CLCN6: variants seen among roughly 807,000 people sequenced by gnomAD.
CLCN6 encodes Cl-/H+ antiporter 6, also known as H(+)/Cl(-) exchange transporter 6.
Under a neutral mutation model 109.8 loss-of-function variants are expected in CLCN6, and 70 were observed. That is an observed-to-expected ratio of 0.64 (90% CI 0.53 to 0.78). The LOEUF is 0.78. Ranked by LOEUF, CLCN6 falls within the 30% of genes least tolerant of loss-of-function variation. The probability of loss-of-function intolerance (pLI) is 0.00; values close to 1 mark genes in which losing one functional copy is unlikely to be tolerated. For missense variants in CLCN6, 984 were observed against 1,142.3 expected, an observed-to-expected ratio of 0.86 and a Z score of 2.00; for synonymous variants, 444 against 447.8, an observed-to-expected ratio of 0.99 and a Z score of 0.11.
chr1:11,812,664 TTG>T (rs61487985), intron 2 of CLCN6, among the ~76,000 whole-genome samples: 9,387 of 126,798 alleles, frequency 0.074, 383 homozygotes, highest in South Asian at 0.12. Context: ...CAAAGTATGT[TTG>T]TGTGTGTGTG....
rs1465475340 is a variant in CLCN6, at chr1:11,806,354, G to A, written c.87+5G>A. The A allele has an allele frequency of 9.9e-6, 15 of 1,513,108 alleles. No homozygotes were observed. Among genetic ancestry groups the A allele is most frequent in the Non-Finnish European group, 1.3e-5 (15 of 1,142,662 alleles). 93.7% of individuals were successfully genotyped at this position (1,513,108 alleles called of 1,614,324 possible). ...ACCCGCACCCCCGAGGAGCTGGTAAGAAGCCGGCGGAGTCGGCCTGGGGAG... is the reference window on the plus strand; with the variant it reads ...ACCCGCACCCCCGAGGAGCTGGTAAAAAGCCGGCGGAGTCGGCCTGGGGAG... On this transcript the variant is annotated splice_donor_5th_base_variant and intron_variant, in intron 1 of 22. Coordinates refer to ENST00000346436, the MANE Select transcript of CLCN6 (RefSeq NM_001286.5).
Position 11,838,550 on chromosome 1 carries a change from A to C in CLCN6, c.2419A>C (p.Met807Leu). Residue 807 changes from methionine (M) to leucine (L), a missense_variant, in exon 22 of 23, where the codon ATG becomes CTG. By Grantham distance (15) the Met-to-Leu change is conservative. Coordinates refer to ENST00000346436, the MANE Select transcript of CLCN6 (RefSeq NM_001286.5). ...CTCTTTGCAGGATGTCACCCCATAC[A>C]TGAACCCTTCGCCTTTCACCGTCTC... ...PRMIVDVTPY[M>L]NPSPFTVSPN... 1 of 1,610,978 alleles carries C rather than the reference A, an allele frequency of 6.2e-7. No individual in the cohort carries two copies. The highest frequency in any genetic ancestry group is 8.5e-7 in the Non-Finnish European group (1 of 1,177,422).
intron 22 of CLCN6, among the ~76,000 whole-genome samples, chr1:11,839,264 CTGTTGT>C (rs747523524): frequency 6.6e-6 from 1 of 152,086 alleles, no homozygotes; most frequent in South Asian, 2.1e-4. Flanking sequence ...GTTGTTGTTG[CTGTTGT>C]TGTTGTTTTG....
intron 7 of CLCN6, 45 bp from the exon 8 acceptor site, chr1:11,824,441 C>T (rs201379697): frequency 2.1e-5 from 31 of 1,511,676 alleles, no homozygotes; most frequent in African/African-American, 1.1e-4. Flanking sequence ...GACCCAGGGG[C>T]GTTTCTGCAC....
chr1:11,833,665 G>A lies in CLCN6; in HGVS notation c.1372+27G>A, dbSNP rs74053324. ...TGAGTGTCTGCACTGCAGCCCAATC[G>A]TGGGTGATTGGTGTCATCTCGGACA... is the stretch of plus-strand genomic sequence containing the variant. On this transcript the variant is annotated intron_variant, in intron 14 of 22. Coordinates refer to ENST00000346436, the MANE Select transcript of CLCN6 (RefSeq NM_001286.5). 7,738 of 1,611,736 alleles carry A rather than the reference G, an allele frequency of 4.8e-3. 290 individuals are homozygous for A. The African/African-American group carries it at 0.088, about 18-fold the overall frequency.
chr1:11,806,906 G>T, intron 1 of CLCN6: 1 of 552,454 alleles, frequency 1.8e-6, no homozygotes, highest in Non-Finnish European at 3.2e-6. Flanking sequence ...TGAAGAGGAG[G>T]GTGGTTATTT....
rs749784643 is a variant in CLCN6 at position 11,816,581 on chromosome 1, T to C, written c.214-34T>C. ...TTCTTCCCCTCTGCCACCATAACCC[T>C]GTAAACTGAATCATTCTTTTCCTGT... On this transcript the variant is annotated intron_variant, in intron 3 of 22. Coordinates refer to ENST00000346436, the MANE Select transcript of CLCN6 (RefSeq NM_001286.5). 2.5e-6 allele frequency: 4 copies of C among 1,597,758 alleles called. No homozygotes were observed. The East Asian group carries it at 6.7e-5, about 27-fold the overall frequency.
chr1:11,813,817 A>C (rs1010898353), intron 2 of CLCN6, among the ~76,000 whole-genome samples: 17 of 152,230 alleles, frequency 1.1e-4, no homozygotes, highest in African/African-American at 4.1e-4. Context: ...CTGACGTACA[A>C]ATAATCCTAA....
At chr1:11,812,904 G>C (rs975352261) in intron 2 of CLCN6, among the ~76,000 whole-genome samples, 2 of 152,002 alleles carry the variant, frequency 1.3e-5, no homozygotes, top group African/African-American at 4.8e-5. Context: ...TCATTAACCA[G>C]GGAACATTAA....
At position 11,819,470 on chromosome 1, in the gene CLCN6, A is replaced by G; in HGVS notation, c.280-18A>G. The G allele has an allele frequency of 1.2e-6, 2 of 1,612,960 alleles. No individual in the cohort carries two copies. Among genetic ancestry groups the G allele is most frequent in the Non-Finnish European group, 1.7e-6 (2 of 1,178,914 alleles). ...ACTTGGAAATAAGGCTGTGTGACAG[A>G]TCTCTTGCTCTTCACAGGTGGGTCT... On this transcript the variant is annotated intron_variant, in intron 4 of 22. Coordinates refer to ENST00000346436, the MANE Select transcript of CLCN6 (RefSeq NM_001286.5).
At chr1:11,819,128 G>A (rs1644709474) in intron 4 of CLCN6, among the ~76,000 whole-genome samples, 1 of 152,144 alleles carries the variant, frequency 6.6e-6, no homozygotes, top group Non-Finnish European at 1.5e-5. Flanking sequence ...TTTATGTGTG[G>A]CCAAAGACAA....
chr1:11,806,670 G>GCTTAT (rs1427676373), intron 1 of CLCN6: 2 of 388,710 alleles, frequency 5.1e-6, no homozygotes, highest in African/African-American at 4.2e-5. Context: ...AGGACTTTGT[G>GCTTAT]CTTATCATGC....
In CLCN6 at chr1:11,828,518, G is replaced by A. The variant is rs755646612; in HGVS notation, c.1015G>A (p.Val339Met). The change falls in exon 12 of 23, where the codon GTG (valine) becomes ATG (methionine). Residue 339 changes from valine to methionine, a missense_variant. By Grantham distance (21) the Val-to-Met change is conservative. Coordinates refer to ENST00000346436, the MANE Select transcript of CLCN6 (RefSeq NM_001286.5). ...WTAMDLGFFV[V>M]MGVIGGLLGA... is the part of the protein sequence containing the mutation. ...AGCTATGGATTTGGGTTTCTTCGTC[G>A]TGATGGGGGTCATTGGGGGCCTCCT... The A allele has an allele frequency of 4.7e-5, 76 of 1,614,090 alleles. No individual in the cohort carries two copies. Among genetic ancestry groups the A allele is most frequent in the African/African-American group, 8.0e-5 (6 of 75,002 alleles).
At position 11,829,320 on chromosome 1, in the gene CLCN6, C is replaced by T; in HGVS notation, c.1246C>T (p.Gln416Ter). ...AATCGGTAATGACTCATTCCAGCTC[C>T]AGGTAACCCCAGTGCACCTGCTACC... Reference protein sequence around the residue: ...SQIGNDSFQLQVTEDVNSSIK... With the variant: ...SQIGNDSFQL Residue 416 changes from glutamine (Q) to a stop codon, truncating the protein, a stop_gained and splice_region_variant, in exon 13 of 23, where the codon CAG becomes TAG. Transcript: ENST00000346436. LOFTEE classifies it high-confidence loss of function. The T allele has an allele frequency of 6.2e-7, 1 of 1,614,056 alleles. No homozygotes were observed. The highest frequency in any genetic ancestry group is 1.3e-5 in the African/African-American group (1 of 75,036).
At chr1:11,826,659 C>T (rs189269797) in intron 9 of CLCN6, among the ~76,000 whole-genome samples, 43 of 152,280 alleles carry the variant, frequency 2.8e-4, no homozygotes, top group African/African-American at 9.1e-4. Flanking sequence ...TTTAGAGTCA[C>T]GGACCACCTT....
chr1:11,819,707 A>G (rs1644717820), intron 5 of CLCN6, among the ~76,000 whole-genome samples, 153 bp downstream of exon 5: 1 of 152,250 alleles, frequency 6.6e-6, no homozygotes, highest in Non-Finnish European at 1.5e-5. Flanking sequence ...GAAGGACACA[A>G]AAGAAGGACT....
At position 11,837,038 on chromosome 1, in the gene CLCN6, C is replaced by T. The variant is rs761387681; in HGVS notation, c.2020C>T (p.Arg674Trp). ...ILTRAGEQRK[R>W]SQSMKSYPSS... ...CACCCGGGCTGGCGAGCAGCGCAAA[C>T]GGAGCCAGTCCATGAAGTCCTACCC... The change falls in exon 19 of 23, where the codon CGG (arginine) becomes TGG (tryptophan). Residue 674 changes from arginine to tryptophan, a missense_variant. Physicochemically the swap from Arg to Trp is moderately radical, Grantham distance 101. Coordinates refer to ENST00000346436, the MANE Select transcript of CLCN6 (RefSeq NM_001286.5). 14 of 1,612,642 alleles carry T rather than the reference C, an allele frequency of 8.7e-6. No individual in the cohort carries two copies. Among genetic ancestry groups the T allele is most frequent in the Admixed American group, 5.0e-5 (3 of 60,034 alleles).
At chr1:11,809,262 C>T (rs1644565590) in intron 2 of CLCN6, among the ~76,000 whole-genome samples, 1 of 152,198 alleles carries the variant, frequency 6.6e-6, no homozygotes, top group Non-Finnish European at 1.5e-5. Flanking sequence ...TGCACTCCCT[C>T]ACTGAACCCT....
chr1:11,813,632 C>A (rs1205514895), intron 2 of CLCN6, among the ~76,000 whole-genome samples: 1 of 152,164 alleles, frequency 6.6e-6, no homozygotes, highest in African/African-American at 2.4e-5. Context: ...CTCAAGTGAT[C>A]CACCTATCTC....
Sources: gnomAD v4.1 joint callset for allele counts (sites outside exome capture counted in the v4.1 genomes callset) on GRCh38, gnomAD v4.1.1 for gene constraint, MANE v1.5 for transcripts, NCBI Gene and HGNC (gene_info 2026-07-23, HGNC 2026-07-21) for gene names.